Variants in PACSIN2 observed in about 807,000 individuals in gnomAD.
PACSIN2 encodes protein kinase C and casein kinase substrate in neurons 2.
PACSIN2 carries 25 observed loss-of-function variants against 63.8 expected under a neutral mutation model. The observed-to-expected ratio is 0.39, with a 90% CI of 0.29 to 0.55. The LOEUF (loss-of-function observed/expected upper bound fraction) is 0.55. Ranked by LOEUF, PACSIN2 falls within the 20% of genes least tolerant of loss-of-function variation. PACSIN2 has a pLI of 0.62. For synonymous variants in PACSIN2, 255 were observed against 256.2 expected, an observed-to-expected ratio of 1.00 and a Z score of 0.05; for missense variants, 518 against 646.9, an observed-to-expected ratio of 0.80 and a Z score of 2.16.
At chr22:42,952,733 G>C (rs574488430) in intron 1 of PACSIN2, among the ~76,000 whole-genome samples, 1 of 151,536 alleles carries the variant, frequency 6.6e-6, no homozygotes, top group Admixed American at 6.6e-5. Flanking sequence ...AGCGATCTCG[G>C]CTCACTACAA....
At chr22:42,988,237 A>AAGAT (rs1425832593) in intron 1 of PACSIN2, among the ~76,000 whole-genome samples, 1 of 152,234 alleles carries the variant, frequency 6.6e-6, no homozygotes, top group Non-Finnish European at 1.5e-5. Flanking sequence ...AGACAAGGAG[A>AAGAT]AGATAGTCTC....
intron 4 of PACSIN2, among the ~76,000 whole-genome samples, chr22:42,889,373 TACACACAC>T (rs58408551): frequency 2.5e-5 from 3 of 122,424 alleles, no homozygotes; most frequent in African/African-American, 8.3e-5. Flanking sequence ...TAATGGTTTT[TACACACAC>T]ACACACACAC....
At chr22:43,011,879 G>C (rs1215775868) in intron 1 of PACSIN2, among the ~76,000 whole-genome samples, 1 of 152,176 alleles carries the variant, frequency 6.6e-6, no homozygotes, top group Non-Finnish European at 1.5e-5. Flanking sequence ...AGGCAAGGTG[G>C]CAGGTGCCTG....
chr22:42,896,430 G>A (rs763091611), intron 2 of PACSIN2, among the ~76,000 whole-genome samples: 2 of 150,968 alleles, frequency 1.3e-5, no homozygotes, highest in African/African-American at 2.4e-5. Flanking sequence ...AGTAGTATTC[G>A]ACTGTGTAGG....
intron 1 of PACSIN2, among the ~76,000 whole-genome samples, chr22:42,986,500 C>T (rs1054423390): frequency 1.3e-5 from 2 of 152,188 alleles, no homozygotes; most frequent in Non-Finnish European, 1.5e-5. Context: ...TCTCACCACC[C>T]GCCACTTCAG....
chr22:42,936,413 C>T (rs1447121954), intron 1 of PACSIN2, among the ~76,000 whole-genome samples: 1 of 152,166 alleles, frequency 6.6e-6, no homozygotes, highest in Non-Finnish European at 1.5e-5. Context: ...GGACTTAGCA[C>T]AAGACTCCTC....
chr22:42,958,327 G>A (rs945371310), intron 1 of PACSIN2, among the ~76,000 whole-genome samples: 16 of 152,194 alleles, frequency 1.1e-4, no homozygotes, highest in Admixed American at 3.9e-4. Flanking sequence ...TAAATATTGC[G>A]TTCCCACCTT....
At chr22:42,888,590 G>T in intron 5 of PACSIN2, 53 bp downstream of exon 5, 1 of 1,585,390 alleles carries the variant, frequency 6.3e-7, no homozygotes, top group Non-Finnish European at 8.7e-7. Flanking sequence ...TGCCAGACAC[G>T]TCAACAACTG....
chr22:42,919,772 C>CAAAAAAAAAAAAAAAAAA (rs761464603), intron 1 of PACSIN2, among the ~76,000 whole-genome samples: 13 of 48,742 alleles, frequency 2.7e-4, no homozygotes, highest in Non-Finnish European at 3.9e-4. Flanking sequence ...GAACCTGTCT[C>CAAAAAAAAAAAAAAAAAA]AAAAAAAAAA....
At chr22:42,902,194 C>G (rs1930738098) in intron 2 of PACSIN2, among the ~76,000 whole-genome samples, 3 of 152,196 alleles carry the variant, frequency 2.0e-5, no homozygotes, top group South Asian at 4.1e-4. Flanking sequence ...AGAAGGAACA[C>G]TCTGGGTGGT....
chr22:42,943,827 T>C (rs575568256), intron 1 of PACSIN2, among the ~76,000 whole-genome samples: 5 of 152,174 alleles, frequency 3.3e-5, no homozygotes, highest in Non-Finnish European at 7.3e-5. Flanking sequence ...GAGGAAAACA[T>C]GAATGTGTCC....
intron 5 of PACSIN2, among the ~76,000 whole-genome samples, chr22:42,885,821 C>G (rs1226112612): frequency 6.6e-6 from 1 of 152,116 alleles, no homozygotes; most frequent in Non-Finnish European, 1.5e-5. Context: ...CTTGGGTCCT[C>G]TGTGCCAGGA....
At chr22:42,962,255 A>ACT (rs1191534692) in intron 1 of PACSIN2, among the ~76,000 whole-genome samples, 1 of 150,940 alleles carries the variant, frequency 6.6e-6, no homozygotes, top group Non-Finnish European at 1.5e-5. Flanking sequence ...TAAAAGACTC[A>ACT]CTCTCTTCTT....
intron 2 of PACSIN2, among the ~76,000 whole-genome samples, chr22:42,905,021 CTT>C (rs1250291646): frequency 5.3e-5 from 8 of 152,180 alleles, no homozygotes; most frequent in African/African-American, 1.9e-4. Context: ...AAATGTGTCT[CTT>C]AAACAGTTTT....
At chr22:42,917,989 C>T (rs1367085052) in intron 1 of PACSIN2, among the ~76,000 whole-genome samples, 1 of 152,158 alleles carries the variant, frequency 6.6e-6, no homozygotes, top group Non-Finnish European at 1.5e-5. Context: ...CCCAGGGCAA[C>T]TGTATTTAAA....
chr22:43,012,730 G>A (rs1031112419), intron 1 of PACSIN2, among the ~76,000 whole-genome samples: 4 of 151,562 alleles, frequency 2.6e-5, no homozygotes, highest in Admixed American at 1.3e-4. Context: ...TTGGCTCACC[G>A]CAACCTCCGC....
At position 43,005,447 on chromosome 22, in the gene PACSIN2, G is replaced by A. The variant is rs1924030964; in HGVS notation, c.-78+9574C>T. Among the ~76,000 whole-genome samples the A allele has an allele frequency of 3.3e-5, 5 of 152,232 alleles. No homozygotes were observed. In the South Asian group the frequency reaches 1.0e-3, roughly 32 times the overall value. ...CATCAGGCCCTTACCCCAACAAAAG[G>A]GCCAGGTGCCAACAGCAGCTTACAA... On this transcript the variant is annotated intron_variant, in intron 1 of 10. Transcript: ENST00000263246.
chr22:42,929,310 T>C lies in PACSIN2; in HGVS notation c.-77-17153A>G, dbSNP rs1010494834. Among the ~76,000 whole-genome samples the C allele has an allele frequency of 2.0e-5, 3 of 152,356 alleles. No individual in the cohort carries two copies. The East Asian group carries it at 5.8e-4, about 29-fold the overall frequency. ...AAGGTCTCATCTATGCTACAAGTCC[T>C]GCCCACATACAGAGGCTAAAATTTA... On this transcript the variant is annotated intron_variant, in intron 1 of 10. Transcript: ENST00000263246.
intron 1 of PACSIN2, among the ~76,000 whole-genome samples, chr22:42,990,525 C>A (rs1922971071): frequency 6.6e-6 from 1 of 152,118 alleles, no homozygotes; most frequent in Non-Finnish European, 1.5e-5. Context: ...TCTGCAGGCC[C>A]AGGGGCAAAA....
Sources: allele counts gnomAD v4.1 joint callset (sites outside exome capture counted in the v4.1 genomes callset), GRCh38; gene constraint gnomAD v4.1.1; transcripts MANE v1.5; gene names NCBI Gene and HGNC (gene_info 2026-07-23, HGNC 2026-07-21).